NFATC3: variants seen among roughly 807,000 people sequenced by gnomAD.
NFATC3 encodes nuclear factor of activated T-cells, cytoplasmic 3.
NFATC3 carries 46 observed loss-of-function variants against 98.6 expected under a neutral mutation model. The observed-to-expected ratio is 0.47, with a 90% CI of 0.37 to 0.60. NFATC3 has a LOEUF of 0.60. NFATC3 is among the 20% of genes least tolerant of loss of function. The pLI is 0.00. For synonymous variants in NFATC3, 512 were observed against 472.2 expected (o/e 1.08, Z -1.09); for missense variants, 1,256 against 1,295.5 (o/e 0.97, Z 0.47).
rs914898582 is a variant in NFATC3, at chr16:68,146,797, A to G, written c.1402-11072A>G. Among the ~76,000 whole-genome samples the G allele has an allele frequency of 2.0e-5, 3 of 152,374 alleles. No homozygotes were observed. In the Middle Eastern group the frequency reaches 0.01, roughly 518 times the overall value. On this transcript the variant is annotated intron_variant, in intron 3 of 9. Transcript: ENST00000346183. ...TTTGCTATGGAAACGATACAGAAAC[A>G]TAACAAACAACTTGGCTTACTTTCT... is the stretch of plus-strand genomic sequence containing the variant.
chr16:68,158,110 C>A, intron 4 of NFATC3, 42 bp downstream of exon 4: 2 of 1,306,312 alleles, frequency 1.5e-6, no homozygotes, highest in Non-Finnish European at 2.1e-6. Flanking sequence ...CTTTTTTTCT[C>A]TATACTTTCA....
At chr16:68,226,205 C>T (rs957717899) in intron 9 of NFATC3, 145 bp from the exon 10 acceptor site, 2 of 879,048 alleles carry the variant, frequency 2.3e-6, no homozygotes, top group Non-Finnish European at 3.3e-6. Context: ...TAATGCCACT[C>T]AGCTCAGGAG....
chr16:68,197,757 T>G (rs956198247), intron 9 of NFATC3, among the ~76,000 whole-genome samples: 5 of 152,172 alleles, frequency 3.3e-5, no homozygotes, highest in Non-Finnish European at 7.3e-5. Flanking sequence ...TTAAAAAAAT[T>G]TTTGCTATAC....
chr16:68,214,658 G>T (rs2151165994), intron 9 of NFATC3, among the ~76,000 whole-genome samples: 1 of 152,284 alleles, frequency 6.6e-6, no homozygotes, highest in African/African-American at 2.4e-5. Flanking sequence ...TGAATGAAAG[G>T]GAAGTGTTTA....
intron 9 of NFATC3, among the ~76,000 whole-genome samples, chr16:68,206,123 A>C (rs1335341638): frequency 3.9e-5 from 6 of 152,122 alleles, no homozygotes; most frequent in African/African-American, 9.7e-5. Context: ...CAGATTTATA[A>C]ATTTTAAAAG....
intron 3 of NFATC3, among the ~76,000 whole-genome samples, chr16:68,148,255 A>G (rs1378562383): frequency 6.6e-6 from 1 of 152,082 alleles, no homozygotes; most frequent in Non-Finnish European, 1.5e-5. Flanking sequence ...ACCTCGGGTG[A>G]TCCACCTGCC....
At chr16:68,134,551 C>A (rs2037289141) in intron 3 of NFATC3, among the ~76,000 whole-genome samples, 1 of 152,080 alleles carries the variant, frequency 6.6e-6, no homozygotes, top group Non-Finnish European at 1.5e-5. Context: ...ATACTTTTTC[C>A]CCCCTTTTTC....
intron 1 of NFATC3, among the ~76,000 whole-genome samples, chr16:68,106,537 G>T (rs9940651): frequency 2.0e-5 from 3 of 151,694 alleles, no homozygotes; most frequent in East Asian, 3.9e-4. Flanking sequence ...TGATCTGCCC[G>T]CCTCGGCCTC....
rs1001458167 is a variant in NFATC3, at chr16:68,089,230, C to G, written c.103+3446C>G. The G allele has an allele frequency of 3.0e-6, 3 of 985,198 alleles. No homozygotes were observed. The African/African-American group carries it at 5.2e-5, about 17-fold the overall frequency. 61.0% of individuals were successfully genotyped at this position (985,198 alleles called of 1,614,324 possible). Reference sequence around the variant, plus strand: ...AAGTGGATAGAGAGTGAGGACAAGCCAAGGGCTGAATTTAGTGAATGTCCT... The same window carrying G: ...AAGTGGATAGAGAGTGAGGACAAGCGAAGGGCTGAATTTAGTGAATGTCCT... On this transcript the variant is annotated intron_variant, in intron 1 of 9. Transcript: ENST00000346183.
chr16:68,140,401 C>T (rs1020488484), intron 3 of NFATC3, among the ~76,000 whole-genome samples: 1 of 152,180 alleles, frequency 6.6e-6, no homozygotes, highest in Non-Finnish European at 1.5e-5. Context: ...TTTAGAGCTG[C>T]ACTGTCCAAA....
At chr16:68,152,447 A>G (rs1172500971) in intron 3 of NFATC3, among the ~76,000 whole-genome samples, 2 of 152,110 alleles carry the variant, frequency 1.3e-5, no homozygotes, top group East Asian at 3.9e-4. Context: ...AAGAGAAGGA[A>G]ATACCATTCT....
At chr16:68,100,789 T>G (rs2035302004) in intron 1 of NFATC3, among the ~76,000 whole-genome samples, 1 of 152,096 alleles carries the variant, frequency 6.6e-6, no homozygotes, top group African/African-American at 2.4e-5. Context: ...CATTGTTTTA[T>G]GTGATTTTTG....
chr16:68,170,582 TC>T (rs2039414499), intron 5 of NFATC3, among the ~76,000 whole-genome samples: 1 of 149,716 alleles, frequency 6.7e-6, no homozygotes, highest in African/African-American at 2.5e-5. Flanking sequence ...AACCCCTGCC[TC>T]CCAGGTTCAA....
At chr16:68,216,353 A>G (rs2041635913) in intron 9 of NFATC3, among the ~76,000 whole-genome samples, 1 of 152,178 alleles carries the variant, frequency 6.6e-6, no homozygotes, top group Admixed American at 6.5e-5. Flanking sequence ...TTCACATTTC[A>G]GCTTTTGCTG....
intron 1 of NFATC3, among the ~76,000 whole-genome samples, chr16:68,094,436 T>A (rs578219319): frequency 4.5e-4 from 68 of 151,476 alleles, no homozygotes; most frequent in African/African-American, 1.6e-3. Flanking sequence ...AAAAAAAAAA[T>A]GAGTACTATT....
chr16:68,088,168 A>G (rs1251624695), intron 1 of NFATC3, among the ~76,000 whole-genome samples: 1 of 151,748 alleles, frequency 6.6e-6, no homozygotes, highest in Non-Finnish European at 1.5e-5. Flanking sequence ...TAGAATTCAG[A>G]TCCTTGCTGG....
At chr16:68,220,168 C>T (rs1164956952) in intron 9 of NFATC3, among the ~76,000 whole-genome samples, 5 of 152,178 alleles carry the variant, frequency 3.3e-5, no homozygotes, top group Admixed American at 1.3e-4. Context: ...AACCTGTTAG[C>T]ACCCTTATTG....
intron 9 of NFATC3, among the ~76,000 whole-genome samples, chr16:68,195,805 C>T (rs942932886): frequency 2.0e-5 from 3 of 152,090 alleles, no homozygotes; most frequent in Non-Finnish European, 4.4e-5. Context: ...AAGACTCCGT[C>T]TCAAAAAATA....
At chr16:68,212,866 T>A (rs1249113554) in intron 9 of NFATC3, among the ~76,000 whole-genome samples, 1 of 143,546 alleles carries the variant, frequency 7.0e-6, no homozygotes, top group South Asian at 2.3e-4. Flanking sequence ...CTTGGCTCAC[T>A]GCAAGCTCTA....
Sources: gnomAD v4.1 joint callset for allele counts (sites outside exome capture counted in the v4.1 genomes callset) on GRCh38, gnomAD v4.1.1 for gene constraint, MANE v1.5 for transcripts, NCBI Gene and HGNC (gene_info 2026-07-23, HGNC 2026-07-21) for gene names.